Variants in INTU observed in about 807,000 individuals in gnomAD.
The protein encoded by INTU is inturned planar cell polarity protein.
In INTU, 68 loss-of-function variants were observed where a neutral mutation model predicts 100.5. The observed-to-expected ratio is 0.68, with a 90% confidence interval of 0.56 to 0.83. The LOEUF (loss-of-function observed/expected upper bound fraction) is 0.83. INTU is among the 40% of genes least tolerant of loss of function. The pLI is 0.00. For synonymous variants in INTU, 357 were observed against 395.7 expected (o/e 0.90, Z 1.16); for missense variants, 1,071 against 1,114.7 (o/e 0.96, Z 0.56).
chr4:127,665,665 T>C (rs934509408), intron 4 of INTU, among the ~76,000 whole-genome samples: 1 of 152,190 alleles, frequency 6.6e-6, no homozygotes, highest in Non-Finnish European at 1.5e-5. Context: ...ACTCCAGCCT[T>C]TCTTCTAGTG....
chr4:127,639,108 A>C (rs1578521657), intron 1 of INTU, among the ~76,000 whole-genome samples: 1 of 152,296 alleles, frequency 6.6e-6, no homozygotes, highest in East Asian at 1.9e-4. Flanking sequence ...TGCATTTGTC[A>C]AAACAAGACA....
chr4:127,689,337 C>T (rs1047855377), intron 8 of INTU, among the ~76,000 whole-genome samples: 1 of 151,982 alleles, frequency 6.6e-6, no homozygotes, highest in African/African-American at 2.4e-5. Flanking sequence ...TATAATTCTA[C>T]CTAATATTTT....
Position 127,725,481 on chromosome 4 carries a change from A to G in INTU, c.*9045A>G, listed in dbSNP as rs1291045832. 1 of 152,224 alleles carries G rather than the reference A, an allele frequency of 6.6e-6. No homozygotes were observed. Among genetic ancestry groups the G allele is most frequent in the African/African-American group, 2.4e-5 (1 of 41,444 alleles). The allele number at this position is 152,224 out of a possible 1,614,324, so 9.4% of individuals were successfully genotyped here. A position where few individuals can be genotyped will look rare whatever the true frequency, so the allele number is the denominator to read the frequency against. On this transcript the variant is annotated 3_prime_UTR_variant, in exon 16 of 16. Coordinates refer to ENST00000335251, the MANE Select transcript of INTU (RefSeq NM_015693.4). ...AATTTCTGGATATGTCCCTGAAAAT[A>G]CCATGAACTACTTCTAATACTGATA...
intron 11 of INTU, 64 bp downstream of exon 11, chr4:127,705,876 C>G: frequency 7.3e-7 from 1 of 1,373,324 alleles, no homozygotes; most frequent in Non-Finnish European, 1.0e-6. Flanking sequence ...TTCTTTTCGG[C>G]AGGGGTTGAG....
At position 127,716,398 on chromosome 4, in the gene INTU, G is replaced by C; in HGVS notation, c.2791G>C (p.Glu931Gln). ...TGACTCAGTCACAGAAATTGCCATT[G>C]AAATAGCTTTTAAATTGTTCTTTGG... ...FHDSVTEIAIEIAFKLFFGLT... is the reference protein window; with the variant it reads ...FHDSVTEIAIQIAFKLFFGLT... Residue 931 changes from glutamate to glutamine, a missense_variant, in exon 16 of 16, where the codon GAA becomes CAA. By Grantham distance (29) the Glu-to-Gln change is conservative. Transcript: ENST00000335251. The C allele has an allele frequency of 6.3e-7, 1 of 1,593,430 alleles. No individual in the cohort carries two copies. Among genetic ancestry groups the C allele is most frequent in the African/African-American group, 1.3e-5 (1 of 74,592 alleles).
intron 8 of INTU, among the ~76,000 whole-genome samples, chr4:127,695,904 G>A (rs1469818096): frequency 1.3e-5 from 2 of 151,818 alleles, no homozygotes. Context: ...ATCATGAAGG[G>A]GTATTGGATT....
At chr4:127,638,955 AC>A (rs1578521533) in intron 1 of INTU, among the ~76,000 whole-genome samples, 6 of 152,246 alleles carry the variant, frequency 3.9e-5, no homozygotes, top group African/African-American at 7.2e-5. Context: ...CTGAATTAAA[AC>A]TGCTAGATTT....
chr4:127,691,940 G>A (rs935952421), intron 8 of INTU, among the ~76,000 whole-genome samples: 7 of 88,880 alleles, frequency 7.9e-5, no homozygotes, highest in African/African-American at 1.7e-4. Flanking sequence ...TTTTTATGGC[G>A]GAGTATAGTG....
chr4:127,705,741 C>A lies in INTU; in HGVS notation c.1717C>A (p.Pro573Thr). 1 of 1,614,038 alleles carries A rather than the reference C, an allele frequency of 6.2e-7. No homozygotes were observed. Among genetic ancestry groups the A allele is most frequent in the African/African-American group, 1.3e-5 (1 of 75,030 alleles). ...AGTGTTTCCTCAGCATCACCTCCGA[C>A]CTTTGGCAGACTCAAGCACTGAAGT... ...REVFPQHHLR[P>T]LADSSTEVFP... Residue 573 changes from proline (P) to threonine (T), a missense_variant, in exon 11 of 16, where the codon CCT becomes ACT. Physicochemically the swap from Pro to Thr is conservative, Grantham distance 38. Coordinates refer to ENST00000335251, the MANE Select transcript of INTU (RefSeq NM_015693.4).
chr4:127,716,628 T>C lies in INTU; in HGVS notation c.*192T>C, dbSNP rs141319802. ...ATCTTAATGTAATATTGTAAGACTTTTGAGAATATACTTGATTAAAATGTG... is the reference window on the plus strand; with the variant it reads ...ATCTTAATGTAATATTGTAAGACTTCTGAGAATATACTTGATTAAAATGTG... On this transcript the variant is annotated 3_prime_UTR_variant, in exon 16 of 16. Transcript: ENST00000335251. 15 of 344,026 alleles carry C rather than the reference T, an allele frequency of 4.4e-5. No individual in the cohort carries two copies. The East Asian group carries it at 6.2e-4, about 14-fold the overall frequency. The allele number at this position is 344,026 out of a possible 1,614,324, so 21.3% of individuals were successfully genotyped here. A position where few individuals can be genotyped will look rare whatever the true frequency, so the allele number is the denominator to read the frequency against.
rs547486460 is a variant in INTU, at chr4:127,701,906, A to C, written c.1503+1843A>C. 3.3e-5 allele frequency among the ~76,000 whole-genome samples: 5 copies of C among 152,294 alleles called. No individual in the cohort carries two copies. The South Asian group carries it at 1.0e-3, about 32-fold the overall frequency. On this transcript the variant is annotated intron_variant, in intron 9 of 15. Coordinates refer to ENST00000335251, the MANE Select transcript of INTU (RefSeq NM_015693.4). ...GTAACTGAGTCTTAACAAACACCCT[A>C]AACAAATGGAAGGGTGTTTTGTCTG... is the stretch of plus-strand genomic sequence containing the variant.
At chr4:127,701,381 C>T (rs1730641484) in intron 9 of INTU, among the ~76,000 whole-genome samples, 1 of 152,064 alleles carries the variant, frequency 6.6e-6, no homozygotes, top group African/African-American at 2.4e-5. Flanking sequence ...TTTCTTAGAT[C>T]CTAATTCAAA....
At chr4:127,654,719 AG>A (rs1447990104) in intron 2 of INTU, among the ~76,000 whole-genome samples, 19 of 147,052 alleles carry the variant, frequency 1.3e-4, no homozygotes, top group Non-Finnish European at 4.5e-5. Flanking sequence ...GCTCTTCTCG[AG>A]GAGTATCTTT....
In INTU at chr4:127,641,991, C is replaced by T. The variant is rs375290269; in HGVS notation, c.147-1530C>T. Among the ~76,000 whole-genome samples the T allele has an allele frequency of 2.6e-5, 4 of 152,116 alleles. No homozygotes were observed. In the South Asian group the frequency reaches 8.3e-4, roughly 32 times the overall value. On this transcript the variant is annotated intron_variant, in intron 1 of 15. Coordinates refer to ENST00000335251, the MANE Select transcript of INTU (RefSeq NM_015693.4). The stretch of plus-strand genomic sequence containing the variant: ...AAAGGGTGAGATAATAAGGCTGATA[C>T]ACTTTATTCATTGTTTAAATTGATA...
rs79270019 is a variant in INTU, at chr4:127,688,771, C to T, written c.1449+904C>T. Reference sequence around the variant, plus strand: ...CACGTGAAGTATTTAGAATTGTGCCCGGCACATTGTAGTTGTAGTTATGGG... The same window carrying T: ...CACGTGAAGTATTTAGAATTGTGCCTGGCACATTGTAGTTGTAGTTATGGG... On this transcript the variant is annotated intron_variant, in intron 8 of 15. Coordinates refer to ENST00000335251, the MANE Select transcript of INTU (RefSeq NM_015693.4). 9.5e-3 allele frequency among the ~76,000 whole-genome samples: 1,450 copies of T among 152,048 alleles called. 25 individuals carry two copies. The highest frequency in any genetic ancestry group is 0.029 in the African/African-American group (1,192 of 41,478).
At chr4:127,636,446 A>C (rs1388605564) in intron 1 of INTU, among the ~76,000 whole-genome samples, 1 of 151,774 alleles carries the variant, frequency 6.6e-6, no homozygotes, top group Admixed American at 6.6e-5. Flanking sequence ...CCCCATCTCT[A>C]CTAAAGATAC....
Position 127,706,856 on chromosome 4 carries a change from T to A in INTU, c.2158T>A (p.Cys720Ser), listed in dbSNP as rs778655516. ...TAGTAGTGGAGGATCTGACAATGGT[T>A]GTGAAGGTGGAGAAGATGATGGCTT... ...SCSSGGSDNG[C>S]EGGEDDGFSP... The change falls in exon 12 of 16, where the codon TGT (cysteine) becomes AGT (serine). Residue 720 changes from cysteine (C) to serine (S), a missense_variant. Cys to Ser is a moderately radical substitution (Grantham distance 112, BLOSUM62 -1). Coordinates refer to ENST00000335251, the MANE Select transcript of INTU (RefSeq NM_015693.4). 1 of 1,614,040 alleles carries A rather than the reference T, an allele frequency of 6.2e-7. No individual in the cohort carries two copies. Among genetic ancestry groups the A allele is most frequent in the South Asian group, 1.1e-5 (1 of 91,080 alleles).
At chr4:127,698,555 A>G (rs934109058) in intron 8 of INTU, among the ~76,000 whole-genome samples, 1 of 152,128 alleles carries the variant, frequency 6.6e-6, no homozygotes, top group South Asian at 2.1e-4. Context: ...AAAACAAACT[A>G]AATAGTTATT....
chr4:127,713,977 A>C lies in INTU; in HGVS notation c.2601A>C (p.Ala867=). 1 of 1,612,678 alleles carries C rather than the reference A, an allele frequency of 6.2e-7. No individual in the cohort carries two copies. The highest frequency in any genetic ancestry group is 8.5e-7 in the Non-Finnish European group (1 of 1,178,944). Residue 867 remains alanine (A), a synonymous_variant, in exon 15 of 16, where the codon GCA becomes GCC. Coordinates refer to ENST00000335251, the MANE Select transcript of INTU (RefSeq NM_015693.4). ...GLNSGDHSDS[A]KSVSSLNPVK... ...ATAGTGGAGACCATTCAGATTCTGC[A>C]AAGTCAGTGTCTTCTCTTAACCCTG... is the stretch of plus-strand genomic sequence containing the variant.
Sources: gnomAD v4.1 joint callset for allele counts (sites outside exome capture counted in the v4.1 genomes callset) on GRCh38, gnomAD v4.1.1 for gene constraint, MANE v1.5 for transcripts, NCBI Gene and HGNC (gene_info 2026-07-23, HGNC 2026-07-21) for gene names.